The following DOK4 variants were observed in gnomAD, a reference collection of about 807,000 sequenced individuals.
DOK4 encodes docking protein 4, also known as downstream of tyrosine kinase 4.
A neutral mutation model predicts 40.1 loss-of-function variants in DOK4; 26 were observed. The observed-to-expected ratio is 0.65, with a 90% CI of 0.48 to 0.90. DOK4 has a LOEUF of 0.90. Among genes scored for constraint, DOK4 ranks in the 40% least tolerant of loss-of-function variants. The probability of loss-of-function intolerance (pLI) is 0.00; values close to 1 mark genes in which losing one functional copy is unlikely to be tolerated. For missense variants in DOK4, 392 were observed against 437.2 expected, an observed-to-expected ratio of 0.90 and a Z score of 0.92; for synonymous variants, 179 against 177.0, an observed-to-expected ratio of 1.01 and a Z score of -0.09.
intron 1 of DOK4, among the ~76,000 whole-genome samples, chr16:57,484,889 C>T (rs1393431936): frequency 4.6e-5 from 7 of 152,252 alleles, no homozygotes; most frequent in African/African-American, 1.4e-4. Flanking sequence ...CACAGAGAGA[C>T]ATCTGGAATG....
intron 1 of DOK4, among the ~76,000 whole-genome samples, chr16:57,484,512 C>A (rs1027629929): frequency 6.6e-6 from 1 of 152,200 alleles, no homozygotes; most frequent in African/African-American, 2.4e-5. Flanking sequence ...CCCATCTAGG[C>A]AGACAGGGAC....
In DOK4 at chr16:57,485,984, CG is replaced by C. The variant is rs1251080542; in HGVS notation, c.-182+320del. 7.9e-5 allele frequency among the ~76,000 whole-genome samples: 12 copies of C among 152,088 alleles called. No homozygotes were observed. Among genetic ancestry groups the C allele is most frequent in the African/African-American group, 2.9e-4 (12 of 41,514 alleles). ...GCCAGGGGCTGGGTTATGCCCCTTC[CG>C]GGGGGGCAGGCCCGGGAGCGCAGGG... On this transcript the variant is annotated intron_variant, in intron 1 of 8. Coordinates refer to ENST00000340099, the Ensembl canonical transcript of DOK4. The surrounding 1 kb of genome is among the most constrained non-coding windows in gnomAD (Gnocchi z 4.3).
At chr16:57,473,924 G>C (rs562847384) in exon 7 of DOK4, 1 of 1,587,600 alleles carries the variant, frequency 6.3e-7, no homozygotes, top group African/African-American at 1.4e-5. Context: ...TCCATTTCCA[G>C]CAGGACCCGC....
At position 57,479,205 on chromosome 16, in the gene DOK4, A is replaced by T. The variant is rs1262976981; in HGVS notation, c.66+237T>A. 6.6e-6 allele frequency among the ~76,000 whole-genome samples: 1 copy of T among 152,214 alleles called. No individual in the cohort carries two copies. Among genetic ancestry groups the T allele is most frequent in the East Asian group, 1.9e-4 (1 of 5,190 alleles). ...CACCATTGCTGCCACTACCACCACC[A>T]CTGGCCCAGCTGTTGGGATGCCAGC... is the stretch of plus-strand genomic sequence containing the variant. On this transcript the variant is annotated intron_variant, in intron 2 of 8. Transcript: ENST00000340099. The surrounding 1 kb of genome is among the most constrained non-coding windows in gnomAD (Gnocchi z 5.8).
intron 2 of DOK4, among the ~76,000 whole-genome samples, chr16:57,476,670 C>T (rs2031195175): frequency 6.6e-6 from 1 of 152,232 alleles, no homozygotes; most frequent in Non-Finnish European, 1.5e-5. Context: ...GGGCCCTGCT[C>T]CAGCTGGGAA....
intron 1 of DOK4, among the ~76,000 whole-genome samples, chr16:57,483,237 G>A (rs1025940650): frequency 1.4e-4 from 21 of 152,212 alleles, no homozygotes; most frequent in Non-Finnish European, 1.0e-4. Context: ...GTGAGGGGGG[G>A]GCCCAGAACC....
intron 2 of DOK4, among the ~76,000 whole-genome samples, chr16:57,478,878 C>T (rs939281359): frequency 4.6e-5 from 7 of 152,220 alleles, no homozygotes; most frequent in Non-Finnish European, 8.8e-5. Flanking sequence ...CACCCCGTCT[C>T]GCCCAGCCAA....
In DOK4 at chr16:57,475,966, C is replaced by G. The variant is rs763882117; in HGVS notation, c.67-9G>C. The stretch of plus-strand genomic sequence containing the variant: ...CAGCACCTCCGGTAGATCTGTGGAG[C>G]GAGATGACAGGGCTCAGGCCTCCCT... On this transcript the variant is annotated splice_polypyrimidine_tract_variant and intron_variant, in intron 2 of 8. Coordinates refer to ENST00000340099, the Ensembl canonical transcript of DOK4. The G allele has an allele frequency of 6.2e-7, 1 of 1,610,090 alleles. No individual in the cohort carries two copies.
At chr16:57,475,441 C>G (rs1392998915) in intron 4 of DOK4, 65 bp downstream of exon 4, 9 of 1,485,778 alleles carry the variant, frequency 6.1e-6, no homozygotes, top group East Asian at 4.7e-5. Context: ...CTGCCCGCTC[C>G]TAGCTGGACC....
At chr16:57,473,280 T>A in exon 9 of DOK4, 1 of 1,480,044 alleles carries the variant, frequency 6.8e-7, no homozygotes, top group Non-Finnish European at 8.9e-7. Flanking sequence ...TTCTCCAGGC[T>A]CTTGGCCGAC....
intron 1 of DOK4, chr16:57,481,650 C>CT (rs143617539): frequency 0.053 from 8,134 of 152,440 alleles, 399 homozygotes; most frequent in African/African-American, 0.13. Context: ...CAGGAAGCCA[C>CT]TGGACCCCCA....
exon 1 of DOK4, chr16:57,486,454 C>G (rs1299491101): frequency 1.3e-5 from 2 of 152,034 alleles, no homozygotes; most frequent in South Asian, 1.8e-4. Flanking sequence ...GGCCGCAGGG[C>G]TAGGGATCGG....
intron 1 of DOK4, among the ~76,000 whole-genome samples, chr16:57,482,859 C>A (rs1372051698): frequency 6.6e-6 from 1 of 152,170 alleles, no homozygotes; most frequent in Non-Finnish European, 1.5e-5. Context: ...GAGTTGCTGC[C>A]CAGACAGGGC....
chr16:57,478,921 A>G (rs1435578000), intron 2 of DOK4, among the ~76,000 whole-genome samples: 1 of 152,198 alleles, frequency 6.6e-6, no homozygotes, highest in African/African-American at 2.4e-5. Context: ...CTTTAACATT[A>G]AACTCGACAA....
At chr16:57,475,475 A>T in intron 4 of DOK4, 31 bp downstream of exon 4, 1 of 1,564,676 alleles carries the variant, frequency 6.4e-7, no homozygotes, top group Non-Finnish European at 8.7e-7. Flanking sequence ...ACCCCAGGGG[A>T]GGCAGATGGA....
chr16:57,483,149 A>C (rs1484420765), intron 1 of DOK4, among the ~76,000 whole-genome samples: 1 of 152,222 alleles, frequency 6.6e-6, no homozygotes, highest in Non-Finnish European at 1.5e-5. Flanking sequence ...ATGGTGGGCA[A>C]AGAGGGGTTC....
At chr16:57,477,475 C>T (rs963201963) in intron 2 of DOK4, among the ~76,000 whole-genome samples, 2 of 152,216 alleles carry the variant, frequency 1.3e-5, no homozygotes, top group Non-Finnish European at 2.9e-5. Flanking sequence ...ATGAAGGAAC[C>T]GTGAATGAAT....
intron 6 of DOK4, 43 bp from the exon 7 acceptor site, chr16:57,474,082 C>T (rs1567587435): frequency 6.2e-7 from 1 of 1,609,550 alleles, no homozygotes; most frequent in East Asian, 2.2e-5. Context: ...GGACCCACCA[C>T]AGACATGCAT....
At chr16:57,481,105 G>A (rs4784810) in intron 1 of DOK4, among the ~76,000 whole-genome samples, 4,379 of 152,080 alleles carry the variant, frequency 0.029, 109 homozygotes, top group East Asian at 0.083. Context: ...CTGCCAGAAC[G>A]GGGCCCTGGG....
Sources: allele counts gnomAD v4.1 joint callset (sites outside exome capture counted in the v4.1 genomes callset), GRCh38; gene constraint gnomAD v4.1.1; non-coding constraint Gnocchi (gnomAD v3.1); transcripts MANE v1.5; gene names NCBI Gene and HGNC (gene_info 2026-07-23, HGNC 2026-07-21).